Variants in TFDP1 observed in about 807,000 individuals in gnomAD.
The protein encoded by TFDP1 is transcription factor Dp-1.
Under a neutral mutation model 48.0 loss-of-function variants are expected in TFDP1, and 6 were observed. The observed-to-expected ratio is 0.13, with a 90% confidence interval of 0.07 to 0.25. TFDP1 has a LOEUF of 0.25. Among genes scored for constraint, TFDP1 ranks in the 10% least tolerant of loss-of-function variants. The probability of loss-of-function intolerance (pLI) is 1.00; values close to 1 mark genes in which losing one functional copy is unlikely to be tolerated. For synonymous variants in TFDP1, 201 were observed against 211.6 expected, an observed-to-expected ratio of 0.95 and a Z score of 0.44; for missense variants, 335 against 543.0, an observed-to-expected ratio of 0.62 and a Z score of 3.81.
intron 3 of TFDP1, among the ~76,000 whole-genome samples, chr13:113,620,107 G>A (rs1401822602): frequency 1.3e-5 from 2 of 152,226 alleles, no homozygotes; most frequent in African/African-American, 4.8e-5. Context: ...GGCCCAGAGG[G>A]AGAGACCTGG....
intron 4 of TFDP1, among the ~76,000 whole-genome samples, chr13:113,629,812 C>T (rs1389122836): frequency 1.3e-5 from 2 of 152,198 alleles, no homozygotes; most frequent in Non-Finnish European, 1.5e-5. Flanking sequence ...TTGCTCCTGC[C>T]TGGAGGACAG....
intron 10 of TFDP1, 80 bp downstream of exon 10, chr13:113,636,780 C>G: frequency 1.3e-6 from 2 of 1,499,998 alleles, no homozygotes; most frequent in Non-Finnish European, 9.0e-7. Flanking sequence ...CCTCCCGGCT[C>G]GGGATGTGTC....
intron 11 of TFDP1, among the ~76,000 whole-genome samples, chr13:113,638,392 C>T (rs1195188329): frequency 3.3e-5 from 5 of 151,810 alleles, no homozygotes; most frequent in African/African-American, 7.3e-5. Context: ...ATGGTCATAG[C>T]GCATGTATTT....
intron 4 of TFDP1, among the ~76,000 whole-genome samples, chr13:113,630,223 G>A (rs1212005962): frequency 6.6e-6 from 1 of 151,916 alleles, no homozygotes; most frequent in Non-Finnish European, 1.5e-5. Flanking sequence ...ATTTATCCAC[G>A]CCCAGGAGAT....
intron 8 of TFDP1, 28 bp from the exon 9 acceptor site, chr13:113,635,949 G>A: frequency 6.2e-7 from 1 of 1,606,856 alleles, no homozygotes; most frequent in Non-Finnish European, 8.5e-7. Context: ...GCCGCCACGG[G>A]CCACCTGGCT....
intron 11 of TFDP1, among the ~76,000 whole-genome samples, chr13:113,638,238 G>A (rs529038102): frequency 3.5e-4 from 53 of 152,150 alleles, no homozygotes; most frequent in Non-Finnish European, 6.0e-4. Flanking sequence ...TTTTCAGAAC[G>A]CGTCTGCGGT....
chr13:113,604,513 G>A (rs138570865), intron 2 of TFDP1, among the ~76,000 whole-genome samples: 188 of 152,330 alleles, frequency 1.2e-3, no homozygotes, highest in African/African-American at 4.2e-3. Context: ...CTATTCAGGT[G>A]CTGAGTTTGA....
At chr13:113,636,369 C>T (rs1371182623) in intron 9 of TFDP1, among the ~76,000 whole-genome samples, 165 bp from the exon 10 acceptor site, 1 of 152,208 alleles carries the variant, frequency 6.6e-6, no homozygotes, top group Admixed American at 6.5e-5. Flanking sequence ...ATTTGCCTCT[C>T]ATCTCATTTA....
chr13:113,632,854 G>C (rs1048650753), intron 5 of TFDP1, among the ~76,000 whole-genome samples: 2 of 152,254 alleles, frequency 1.3e-5, no homozygotes, highest in Admixed American at 1.3e-4. Flanking sequence ...TTTGGGTCCT[G>C]GGGACGCCTC....
intron 5 of TFDP1, chr13:113,631,997 G>T (rs765259802): frequency 2.1e-6 from 1 of 481,268 alleles, no homozygotes; most frequent in Non-Finnish European, 3.7e-6. Context: ...GGTGCTCTCT[G>T]AAGGGCTGGC....
intron 8 of TFDP1, among the ~76,000 whole-genome samples, chr13:113,634,808 T>TGC (rs1241147351): frequency 6.7e-6 from 1 of 150,082 alleles, no homozygotes; most frequent in Non-Finnish European, 1.5e-5. Context: ...CATGCATGTG[T>TGC]GTGTGCGTGC....
chr13:113,613,662 T>TGTGTG (rs2048769772), intron 3 of TFDP1, among the ~76,000 whole-genome samples: 1 of 148,870 alleles, frequency 6.7e-6, no homozygotes, highest in African/African-American at 2.5e-5. Context: ...AATGCGTGGG[T>TGTGTG]ATGAGTGTGT....
chr13:113,624,329 G>C (rs745445795), intron 4 of TFDP1, among the ~76,000 whole-genome samples: 1 of 151,376 alleles, frequency 6.6e-6, no homozygotes, highest in African/African-American at 2.4e-5. Flanking sequence ...GTGTCCTCAC[G>C]TGTCTCTCGG....
chr13:113,598,757 A>G lies in TFDP1; in HGVS notation c.13-12239A>G, dbSNP rs184913751. Among the ~76,000 whole-genome samples the G allele has an allele frequency of 6.6e-6, 1 of 152,132 alleles. No homozygotes were observed. Among genetic ancestry groups the G allele is most frequent in the Admixed American group, 6.5e-5 (1 of 15,288 alleles). On this transcript the variant is annotated intron_variant, in intron 2 of 11. Transcript: ENST00000375370. This position sits in a 1 kb window ranked among gnomAD's most constrained non-coding sequence, Gnocchi z 4.2. ...CGTTCTCTGCCCCTACGTGGCTCACACTGTGGTTCTGTGGCCGCCGTCCCT... is the reference window on the plus strand; with the variant it reads ...CGTTCTCTGCCCCTACGTGGCTCACGCTGTGGTTCTGTGGCCGCCGTCCCT...
At chr13:113,591,556 T>A (rs2048147480) in intron 2 of TFDP1, among the ~76,000 whole-genome samples, 1 of 152,230 alleles carries the variant, frequency 6.6e-6, no homozygotes, top group South Asian at 2.1e-4. Context: ...ACAGCTCGAT[T>A]TGCAGTAGAA....
rs767379146 is a variant in TFDP1 at position 113,631,646 on chromosome 13, G to A, written c.210G>A (p.Pro70=). The change falls in exon 5 of 12, where the codon CCG becomes CCA. Residue 70 remains proline, a synonymous_variant. Coordinates refer to ENST00000375370, the MANE Select transcript of TFDP1 (RefSeq NM_007111.5). ...AGGTAATTGGTACGCCTCAGAGACC[G>A]GCAGCGTCAAACACCCTGGTGGTAG... ...QQVVIGTPQR[P]AASNTLVVGS... is the part of the protein sequence containing the mutation. 9.3e-6 allele frequency: 15 copies of A among 1,614,000 alleles called. No individual in the cohort carries two copies. The highest frequency in any genetic ancestry group is 6.7e-5 in the East Asian group (3 of 44,858).
Position 113,613,639 on chromosome 13 carries a change from G to GCA in TFDP1, c.79+2577_79+2578insCA, listed in dbSNP as rs1372464790. Among the ~76,000 whole-genome samples, 20 of 148,928 alleles carry GCA rather than the reference G, an allele frequency of 1.3e-4. 1 individual carries two copies. The highest frequency in any genetic ancestry group is 3.3e-4 in the African/African-American group (13 of 39,870). ...GGGTATGTGAGGAGTGTGTGTGCAT[G>GCA]TGTGTCTGCGTGAATGCGTGGGTAT... On this transcript the variant is annotated intron_variant, in intron 3 of 11. Coordinates refer to ENST00000375370, the MANE Select transcript of TFDP1 (RefSeq NM_007111.5).
At chr13:113,612,907 C>T (rs2048740843) in intron 3 of TFDP1, among the ~76,000 whole-genome samples, 1 of 152,184 alleles carries the variant, frequency 6.6e-6, no homozygotes, top group Admixed American at 6.5e-5. Flanking sequence ...CCCCCAGATC[C>T]CTCCCACATG....
intron 4 of TFDP1, among the ~76,000 whole-genome samples, chr13:113,629,741 C>G (rs987660984): frequency 2.0e-5 from 3 of 152,108 alleles, no homozygotes; most frequent in Non-Finnish European, 2.9e-5. Flanking sequence ...TCGGGATGTT[C>G]CTTGTAAGTT....
Sources: gnomAD v4.1 joint callset for allele counts (sites outside exome capture counted in the v4.1 genomes callset) on GRCh38, gnomAD v4.1.1 for gene constraint, Gnocchi (gnomAD v3.1) non-coding constraint, MANE v1.5 for transcripts, NCBI Gene and HGNC (gene_info 2026-07-23, HGNC 2026-07-21) for gene names.